ARHGEF4: variants seen among roughly 807,000 people sequenced by gnomAD.
ARHGEF4 encodes APC-stimulated guanine nucleotide exchange factor 1.
ARHGEF4 carries 119 observed loss-of-function variants against 162.0 expected under a neutral mutation model. The ratio of observed to expected loss-of-function variants is 0.73; its 90% CI spans 0.63 to 0.86. The LOEUF is 0.86. ARHGEF4 is among the 40% of genes least tolerant of loss of function. The pLI, the probability that ARHGEF4 is intolerant of heterozygous loss-of-function variation, is 0.00. For synonymous variants in ARHGEF4, 1,014 were observed against 979.9 expected (o/e 1.03, Z -0.65); for missense variants, 2,488 against 2,456.0 (o/e 1.01, Z -0.28).
At chr2:130,855,973 C>T (rs572938626) in intron 1 of ARHGEF4, among the ~76,000 whole-genome samples, 45 of 152,090 alleles carry the variant, frequency 3.0e-4, no homozygotes, top group African/African-American at 8.7e-4. Flanking sequence ...AAAAGACAGG[C>T]AAAGAAATAG....
chr2:130,926,048 C>CTTTCTTTCTCTCTCTCTCTT, intron 2 of ARHGEF4, among the ~76,000 whole-genome samples: 3 of 53,412 alleles, frequency 5.6e-5, no homozygotes, highest in Admixed American at 2.3e-4. Context: ...TTCTTTCTTT[C>CTTTCTTTCTCTCTCTCTCTT]TCTTTCTTTC....
intron 4 of ARHGEF4, among the ~76,000 whole-genome samples, chr2:130,984,221 C>CT (rs1686315027): frequency 2.0e-5 from 3 of 152,058 alleles, no homozygotes; most frequent in Non-Finnish European, 4.4e-5. Context: ...CCCCAGACTC[C>CT]AAAGAACATT....
At chr2:130,932,947 T>C (rs1682721104) in intron 3 of ARHGEF4, among the ~76,000 whole-genome samples, 1 of 152,202 alleles carries the variant, frequency 6.6e-6, no homozygotes, top group Non-Finnish European at 1.5e-5. Flanking sequence ...CCAGGCGCAA[T>C]GGCTCACATC....
chr2:130,995,419 C>T (rs1403847009), intron 4 of ARHGEF4, among the ~76,000 whole-genome samples: 1 of 152,118 alleles, frequency 6.6e-6, no homozygotes, highest in South Asian at 2.1e-4. Context: ...CTTCTACCTC[C>T]GTGAGCCCGC....
intron 4 of ARHGEF4, among the ~76,000 whole-genome samples, chr2:130,964,794 C>T (rs956870488): frequency 6.6e-6 from 1 of 152,210 alleles, no homozygotes. Flanking sequence ...CAAGACTGCG[C>T]TTTACCGACC....
intron 1 of ARHGEF4, among the ~76,000 whole-genome samples, chr2:130,846,693 G>A (rs1006202496): frequency 6.6e-6 from 1 of 152,182 alleles, no homozygotes; most frequent in African/African-American, 2.4e-5. Flanking sequence ...TCTTTCTTTA[G>A]CAGAAGGAGG....
chr2:130,955,645 C>CCA, intron 4 of ARHGEF4, among the ~76,000 whole-genome samples: 5 of 152,074 alleles, frequency 3.3e-5, no homozygotes, highest in Admixed American at 3.3e-4. Context: ...TTGCTGATTG[C>CCA]TCTGTTATTT....
At chr2:130,912,811 C>G (rs1334667954) in intron 1 of ARHGEF4, among the ~76,000 whole-genome samples, 1 of 152,186 alleles carries the variant, frequency 6.6e-6, no homozygotes, top group Non-Finnish European at 1.5e-5. Context: ...CCCAAAAGAA[C>G]ATTCAATAGT....
At chr2:130,932,366 G>C (rs1299186042) in intron 3 of ARHGEF4, among the ~76,000 whole-genome samples, 2 of 152,082 alleles carry the variant, frequency 1.3e-5, no homozygotes, top group African/African-American at 4.8e-5. Flanking sequence ...CTGCCACCAT[G>C]CCCACCTAAT....
In ARHGEF4 at chr2:130,854,561, G is replaced by A. The variant is rs576017248; in HGVS notation, c.39+17569G>A. Among the ~76,000 whole-genome samples, 7 of 152,342 alleles carry A rather than the reference G, an allele frequency of 4.6e-5. No individual in the cohort carries two copies. The East Asian group carries it at 7.7e-4, about 17-fold the overall frequency. On this transcript the variant is annotated intron_variant, in intron 1 of 13. Transcript: ENST00000409359. ...TGTTTCTGGCAAGTGCTGCTGAGAA[G>A]TCTGGGGATCACTTCCACACCCAAC... is the stretch of plus-strand genomic sequence containing the variant.
chr2:130,890,012 A>T (rs1679770355), intron 1 of ARHGEF4, among the ~76,000 whole-genome samples: 1 of 152,066 alleles, frequency 6.6e-6, no homozygotes, highest in South Asian at 2.1e-4. Flanking sequence ...GCTGAATTTA[A>T]GATACCTCCA....
intron 4 of ARHGEF4, among the ~76,000 whole-genome samples, chr2:131,000,109 A>G (rs191565277): frequency 9.2e-5 from 14 of 152,384 alleles, no homozygotes; most frequent in African/African-American, 3.1e-4. Context: ...AAATAAAAAG[A>G]TAAAAAAGAA....
intron 4 of ARHGEF4, among the ~76,000 whole-genome samples, chr2:130,950,207 C>G (rs1001827819): frequency 1.3e-5 from 2 of 152,200 alleles, no homozygotes; most frequent in African/African-American, 2.4e-5. Context: ...GGGAGCTCCT[C>G]CCCCTCACTA....
chr2:130,904,365 TA>T (rs1680687807), intron 1 of ARHGEF4, among the ~76,000 whole-genome samples: 3 of 152,206 alleles, frequency 2.0e-5, no homozygotes, highest in Non-Finnish European at 4.4e-5. Context: ...GGACCTTATT[TA>T]AGTATTGGGA....
At chr2:130,955,872 T>C (rs2105174470) in intron 4 of ARHGEF4, among the ~76,000 whole-genome samples, 1 of 152,338 alleles carries the variant, frequency 6.6e-6, no homozygotes, top group South Asian at 2.1e-4. Context: ...ATTCCTTCAC[T>C]GCAACCTCCA....
At chr2:130,923,422 G>A (rs1380291758) in intron 2 of ARHGEF4, among the ~76,000 whole-genome samples, 4 of 152,102 alleles carry the variant, frequency 2.6e-5, no homozygotes, top group Non-Finnish European at 4.4e-5. Flanking sequence ...CTGTTTGTCC[G>A]TCCTTCTGAC....
intron 10 of ARHGEF4, among the ~76,000 whole-genome samples, 186 bp from the exon 11 acceptor site, chr2:131,043,266 T>C (rs1690960350): frequency 6.6e-6 from 1 of 152,110 alleles, no homozygotes; most frequent in Admixed American, 6.5e-5. Context: ...GGGCTCCTAT[T>C]TTGCAAGGAC....
chr2:130,934,122 T>C (rs1682799316), intron 3 of ARHGEF4, among the ~76,000 whole-genome samples: 1 of 152,250 alleles, frequency 6.6e-6, no homozygotes, highest in Non-Finnish European at 1.5e-5. Flanking sequence ...GTTTTTATCA[T>C]GAAAGGGTGC....
At chr2:130,989,006 G>A (rs1308835701) in intron 4 of ARHGEF4, among the ~76,000 whole-genome samples, 4 of 151,522 alleles carry the variant, frequency 2.6e-5, no homozygotes, top group Non-Finnish European at 5.9e-5. Context: ...TTGTTGCCCA[G>A]GCTGGAGTGC....
Sources: allele counts gnomAD v4.1 joint callset (sites outside exome capture counted in the v4.1 genomes callset), GRCh38; gene constraint gnomAD v4.1.1; transcripts MANE v1.5; gene names NCBI Gene and HGNC (gene_info 2026-07-23, HGNC 2026-07-21).